The following NIPBL variants were observed in gnomAD, a reference collection of about 807,000 sequenced individuals.
NIPBL encodes the protein nipped-B-like protein.
Under a neutral mutation model 321.8 loss-of-function variants are expected in NIPBL, and 19 were observed. That is an observed-to-expected ratio of 0.06 (90% CI 0.04 to 0.09). The LOEUF (loss-of-function observed/expected upper bound fraction) is 0.09, where lower values mean the gene tolerates loss of function less well. NIPBL is among the 10% of genes least tolerant of loss of function. The pLI, the probability that NIPBL is intolerant of heterozygous loss-of-function variation, is 1.00. For synonymous variants in NIPBL, 1,106 were observed against 1,114.1 expected, an observed-to-expected ratio of 0.99 and a Z score of 0.14; for missense variants, 2,210 against 3,327.0, an observed-to-expected ratio of 0.66 and a Z score of 8.26.
chr5:36,880,345 T>C (rs932569688), intron 1 of NIPBL, among the ~76,000 whole-genome samples: 1 of 152,054 alleles, frequency 6.6e-6, no homozygotes, highest in Non-Finnish European at 1.5e-5. Flanking sequence ...ATTAATAATA[T>C]AAGAGTAAAT....
chr5:37,032,616 A>AT (rs1751194369), intron 32 of NIPBL, among the ~76,000 whole-genome samples: 1 of 152,050 alleles, frequency 6.6e-6, no homozygotes, highest in South Asian at 2.1e-4. Context: ...AAAAACATAA[A>AT]TAAATAAAAT....
At chr5:36,969,036 A>T (rs1033199140) in intron 6 of NIPBL, among the ~76,000 whole-genome samples, 18 of 152,246 alleles carry the variant, frequency 1.2e-4, no homozygotes, top group Non-Finnish European at 2.4e-4. Context: ...ATAAGCAGTT[A>T]TAATCTTTTT....
chr5:37,035,691 T>C (rs1392701346), intron 32 of NIPBL, among the ~76,000 whole-genome samples: 2 of 152,254 alleles, frequency 1.3e-5, no homozygotes, highest in African/African-American at 2.4e-5. Flanking sequence ...GAGAAAGTTA[T>C]ATTTAACAGC....
At chr5:36,949,945 A>T (rs1740085665) in intron 1 of NIPBL, among the ~76,000 whole-genome samples, 1 of 152,014 alleles carries the variant, frequency 6.6e-6, no homozygotes, top group Admixed American at 6.6e-5. Context: ...GACTAAATTG[A>T]TAATTTACTA....
intron 22 of NIPBL, among the ~76,000 whole-genome samples, chr5:37,015,722 C>T (rs1748902281): frequency 6.6e-6 from 1 of 151,930 alleles, no homozygotes; most frequent in Non-Finnish European, 1.5e-5. Context: ...CAGGGTGAGA[C>T]TCCATCTCAA....
intron 6 of NIPBL, among the ~76,000 whole-genome samples, chr5:36,970,405 T>G (rs952521805): frequency 9.1e-5 from 11 of 120,672 alleles, no homozygotes; most frequent in African/African-American, 4.1e-4. Context: ...ATAAAAGAAT[T>G]TAAAACTATA....
chr5:36,912,238 G>A (rs1748103210), intron 1 of NIPBL, among the ~76,000 whole-genome samples: 1 of 152,160 alleles, frequency 6.6e-6, no homozygotes, highest in Non-Finnish European at 1.5e-5. Context: ...GAAGCATCTT[G>A]ATGAGGCTTT....
chr5:37,014,609 A>G, intron 21 of NIPBL, 74 bp from the exon 22 acceptor site: 1 of 878,802 alleles, frequency 1.1e-6, no homozygotes, highest in East Asian at 2.4e-5. Context: ...CCTCTTCAGT[A>G]ATAACATGAC....
intron 1 of NIPBL, among the ~76,000 whole-genome samples, chr5:36,935,206 G>A (rs1750066640): frequency 6.6e-6 from 1 of 152,038 alleles, no homozygotes; most frequent in Admixed American, 6.6e-5. Context: ...ATGTTACCCA[G>A]CAATTGTACC....
chr5:37,040,822 A>AATCAT (rs1209780636), intron 34 of NIPBL, among the ~76,000 whole-genome samples: 1 of 152,170 alleles, frequency 6.6e-6, no homozygotes, highest in East Asian at 1.9e-4. Context: ...GGAAAGCTGT[A>AATCAT]TGTGACAATC....
At chr5:37,031,416 T>C (rs1304279860) in intron 32 of NIPBL, among the ~76,000 whole-genome samples, 1 of 152,236 alleles carries the variant, frequency 6.6e-6, no homozygotes, top group Non-Finnish European at 1.5e-5. Flanking sequence ...TTTTTTTATT[T>C]CTAAAATGTA....
chr5:36,948,595 G>A (rs979383466), intron 1 of NIPBL, among the ~76,000 whole-genome samples: 2 of 151,812 alleles, frequency 1.3e-5, no homozygotes, highest in African/African-American at 4.8e-5. Context: ...GAGAAAATAA[G>A]GGGTTTGTGC....
intron 1 of NIPBL, among the ~76,000 whole-genome samples, chr5:36,910,557 T>G (rs1358598717): frequency 1.3e-5 from 2 of 152,360 alleles, no homozygotes; most frequent in African/African-American, 4.8e-5. Flanking sequence ...ATACCTAGAT[T>G]ATTATAGTAG....
intron 31 of NIPBL, 72 bp downstream of exon 31, chr5:37,026,399 G>A (rs1322311170): frequency 4.8e-6 from 4 of 830,502 alleles, no homozygotes; most frequent in East Asian, 2.5e-5. Context: ...GTCTTATGAA[G>A]GAAGAGACAA....
At position 37,006,358 on chromosome 5, in the gene NIPBL, A is replaced by G; in HGVS notation, c.3857A>G (p.Asn1286Ser). The G allele has an allele frequency of 1.3e-6, 2 of 1,496,568 alleles. No homozygotes were observed. The highest frequency in any genetic ancestry group is 1.9e-6 in the Non-Finnish European group (2 of 1,072,980). The allele number at this position is 1,496,568 out of a possible 1,614,324, so 92.7% of individuals were successfully genotyped here. A position where few individuals can be genotyped will look rare whatever the true frequency, so the allele number is the denominator to read the frequency against. ...GSKLSTLLNH[N>S]NDTEEEERLW... ...TTCATTAACAATACTGTTTTACAGA[A>G]TAACGATACTGAAGAAGAAGAAAGG... Residue 1286 changes from asparagine to serine, a missense_variant and splice_region_variant, in exon 17 of 47, where the codon AAT becomes AGT. Transcript: ENST00000282516.
intron 1 of NIPBL, among the ~76,000 whole-genome samples, chr5:36,921,882 G>C (rs947913302): frequency 6.7e-6 from 1 of 148,380 alleles, no homozygotes; most frequent in Non-Finnish European, 1.5e-5. Context: ...TTTGGTTTTG[G>C]GTTTTTTTTG....
chr5:36,946,399 A>G (rs1739676690), intron 1 of NIPBL, among the ~76,000 whole-genome samples: 1 of 151,848 alleles, frequency 6.6e-6, no homozygotes, highest in South Asian at 2.1e-4. Context: ...TTCCTCAGAT[A>G]TTTTCCTCCC....
chr5:36,973,464 G>GT (rs916234152), intron 8 of NIPBL, among the ~76,000 whole-genome samples: 2 of 151,310 alleles, frequency 1.3e-5, no homozygotes, highest in Non-Finnish European at 3.0e-5. Context: ...CGTCATCTAG[G>GT]TTTTTTTTCT....
rs773594857 is a variant in NIPBL, at chr5:36,985,182, A to G, written c.2002A>G (p.Ile668Val). Residue 668 changes from isoleucine to valine, a missense_variant, in exon 10 of 47, where the codon ATA (isoleucine) becomes GTA (valine). Around this residue, in one of 14 missense-constraint regions of NIPBL, gnomAD observed 588 missense variants for 564.1 expected, o/e 1.04. Transcript: ENST00000282516. ...TTECKQNESTIVEPKQNENRL... is the reference protein window; with the variant it reads ...TTECKQNESTVVEPKQNENRL... ...TGAATGCAAACAAAACGAGAGCACC[A>G]TAGTTGAGCCTAAACAAAATGAAAA... 8.7e-6 allele frequency: 14 copies of G among 1,613,978 alleles called. No homozygotes were observed. Among genetic ancestry groups the G allele is most frequent in the Non-Finnish European group, 1.1e-5 (13 of 1,179,976 alleles).
Sources: gnomAD v4.1 joint callset for allele counts (sites outside exome capture counted in the v4.1 genomes callset) on GRCh38, gnomAD v4.1.1 for gene constraint, gnomAD v4.1.1 regional missense constraint, MANE v1.5 for transcripts, NCBI Gene and HGNC (gene_info 2026-07-23, HGNC 2026-07-21) for gene names.